Variants in WDR25 observed in about 807,000 individuals in gnomAD.
WDR25 encodes WD repeat-containing protein 25.
A neutral mutation model predicts 47.7 loss-of-function variants in WDR25; 35 were observed. The ratio of observed to expected loss-of-function variants is 0.73; its 90% confidence interval spans 0.56 to 0.97. The LOEUF is 0.97. WDR25 is among the 50% of genes least tolerant of loss of function. WDR25 has a pLI of 0.00. For missense variants in WDR25, 634 were observed against 704.7 expected (o/e 0.90, Z 1.14); for synonymous variants, 248 against 278.9 (o/e 0.89, Z 1.10).
chr14:100,490,432 C>G (rs1387465051), intron 4 of WDR25, among the ~76,000 whole-genome samples: 9 of 152,246 alleles, frequency 5.9e-5, no homozygotes, highest in Non-Finnish European at 1.5e-5. Context: ...ATCTCCTTCC[C>G]CTCCTGTGGG....
rs2140229921 is a variant in WDR25, at chr14:100,430,329, A to G, written c.823-37692A>G. Among the ~76,000 whole-genome samples the G allele has an allele frequency of 6.6e-6, 1 of 152,218 alleles. No individual in the cohort carries two copies. The highest frequency in any genetic ancestry group is 1.9e-4 in the East Asian group (1 of 5,180). The stretch of plus-strand genomic sequence containing the variant: ...CCTGATCTCCTCAGCCCTTTGGGGA[A>G]ATGGAGGAATTGTGACATTTGCCCT... On this transcript the variant is annotated intron_variant, in intron 2 of 6. Coordinates refer to ENST00000402312, the MANE Select transcript of WDR25 (RefSeq NM_001161476.3). This position sits in a 1 kb window ranked among gnomAD's most constrained non-coding sequence, Gnocchi z 4.7.
At chr14:100,405,854 A>T (rs775085682) in intron 2 of WDR25, among the ~76,000 whole-genome samples, 61 of 152,220 alleles carry the variant, frequency 4.0e-4, no homozygotes, top group African/African-American at 1.4e-3. Context: ...ACCCACCTGG[A>T]TGTTTTTCTC....
At chr14:100,446,640 C>T (rs1345011690) in intron 2 of WDR25, among the ~76,000 whole-genome samples, 3 of 151,786 alleles carry the variant, frequency 2.0e-5, no homozygotes, top group African/African-American at 7.3e-5. Context: ...TCAAAAACAG[C>T]AGCTTGAAAT....
rs1192226552 is a variant in WDR25 at position 100,381,611 on chromosome 14, T to A, written c.687T>A (p.Tyr229Ter). 1 of 1,608,638 alleles carries A rather than the reference T, an allele frequency of 6.2e-7. No homozygotes were observed. The highest frequency in any genetic ancestry group is 1.3e-5 in the African/African-American group (1 of 74,782). ...TTCAGCCATATTTGAATAGCCATTA[T>A]AAAGAAACCACAGTTCCCCGGAAAG... is the stretch of plus-strand genomic sequence containing the variant. ...EFIQPYLNSH[Y>*]KETTVPRKVL... Residue 229 changes from tyrosine to a stop codon, truncating the protein, a stop_gained, in exon 2 of 7, where the codon TAT (tyrosine) becomes TAA (stop). Coordinates refer to ENST00000402312, the MANE Select transcript of WDR25 (RefSeq NM_001161476.3). LOFTEE classifies it high-confidence loss of function.
At chr14:100,464,766 ATCTC>A in intron 2 of WDR25, among the ~76,000 whole-genome samples, 1 of 87,954 alleles carries the variant, frequency 1.1e-5, no homozygotes, top group Middle Eastern at 9.8e-3. Context: ...ATCTCATCTC[ATCTC>A]ATCTCATCTC....
intron 2 of WDR25, among the ~76,000 whole-genome samples, chr14:100,403,359 T>G (rs1221649312): frequency 6.6e-6 from 1 of 152,144 alleles, no homozygotes; most frequent in African/African-American, 2.4e-5. Flanking sequence ...AAAGCACATA[T>G]GGCCAAATGT....
Position 100,404,765 on chromosome 14 carries a change from A to G in WDR25, c.822+23019A>G, listed in dbSNP as rs547930245. 6.6e-6 allele frequency among the ~76,000 whole-genome samples: 1 copy of G among 151,084 alleles called. No individual in the cohort carries two copies. The highest frequency in any genetic ancestry group is 2.1e-4 in the South Asian group (1 of 4,760). ...CCTGACTCTGAAATGCCAAGTATAC[A>G]CCCCTCCCTCCTCCTGCCTGCATTC... is the stretch of plus-strand genomic sequence containing the variant. On this transcript the variant is annotated intron_variant, in intron 2 of 6. Transcript: ENST00000402312. This position sits in a 1 kb window ranked among gnomAD's most constrained non-coding sequence, Gnocchi z 4.6.
In WDR25 at chr14:100,422,627, C is replaced by T. The variant is rs539846090; in HGVS notation, c.822+40881C>T. On this transcript the variant is annotated intron_variant, in intron 2 of 6. Transcript: ENST00000402312. ...GGGCCTTCATGATGGCCCTCTTTGA[C>T]GCGACCACATGTTGCCAGCTTCCCC... 4.7e-4 allele frequency among the ~76,000 whole-genome samples: 71 copies of T among 152,362 alleles called. 2 individuals carry two copies. The South Asian group carries it at 0.012, about 27-fold the overall frequency.
intron 4 of WDR25, among the ~76,000 whole-genome samples, chr14:100,486,741 G>A (rs1566933665): frequency 6.6e-6 from 1 of 152,210 alleles, no homozygotes; most frequent in South Asian, 2.1e-4. Flanking sequence ...GAAGTGAGCA[G>A]CTTGGCTTTT....
chr14:100,493,056 C>T (rs906619692), intron 4 of WDR25, among the ~76,000 whole-genome samples: 1 of 152,204 alleles, frequency 6.6e-6, no homozygotes, highest in African/African-American at 2.4e-5. Flanking sequence ...AGCGATTCTC[C>T]TGCGTCAGCC....
At chr14:100,520,078 G>T (rs1297170057) in intron 4 of WDR25, among the ~76,000 whole-genome samples, 1 of 108,932 alleles carries the variant, frequency 9.2e-6, no homozygotes, top group Non-Finnish European at 1.6e-5. Flanking sequence ...GTGTGTGTGT[G>T]CATATATATA....
intron 2 of WDR25, among the ~76,000 whole-genome samples, chr14:100,443,387 A>G (rs944302544): frequency 6.7e-6 from 1 of 148,664 alleles, no homozygotes; most frequent in Non-Finnish European, 1.5e-5. Flanking sequence ...CGCCCCATCT[A>G]CTGGAAAAGC....
rs1280644874 is a variant in WDR25 at position 100,506,469 on chromosome 14, GT to G, written c.1102-19399del. Among the ~76,000 whole-genome samples the G allele has an allele frequency of 1.2e-4, 18 of 152,174 alleles. No individual in the cohort carries two copies. Among genetic ancestry groups the G allele is most frequent in the African/African-American group, 4.3e-4 (18 of 41,444 alleles). ...GGGATAAATGGTAGTACTGTTTTAT[GT>G]TCTTTGAGAAACCTCCAAACTGCTT... On this transcript the variant is annotated intron_variant, in intron 4 of 6. Transcript: ENST00000402312. This position sits in a 1 kb window ranked among gnomAD's most constrained non-coding sequence, Gnocchi z 4.8.
chr14:100,520,333 C>A (rs1382743063), intron 4 of WDR25, among the ~76,000 whole-genome samples: 1 of 151,920 alleles, frequency 6.6e-6, no homozygotes, highest in Admixed American at 6.6e-5. Context: ...TTTTAAAAAT[C>A]TCTTTTATGC....
intron 4 of WDR25, among the ~76,000 whole-genome samples, chr14:100,497,781 C>T (rs1163387098): frequency 1.3e-5 from 2 of 152,186 alleles, no homozygotes; most frequent in African/African-American, 2.4e-5. Flanking sequence ...GATGTCTCCT[C>T]TCCAGGAAAT....
chr14:100,529,507 C>T lies in WDR25; in HGVS notation c.1413+299C>T, dbSNP rs2030371283. 5.1e-6 allele frequency: 3 copies of T among 590,926 alleles called. No individual in the cohort carries two copies. The highest frequency in any genetic ancestry group is 4.1e-4 in the Middle Eastern group (1 of 2,416). The allele number at this position is 590,926 out of a possible 1,614,324, so 36.6% of individuals were successfully genotyped here. On this transcript the variant is annotated intron_variant, in intron 6 of 6. Transcript: ENST00000402312. The surrounding 1 kb of genome is among the most constrained non-coding windows in gnomAD (Gnocchi z 5.1). ...CATGGGTGTCATTTCTGCATCCTTC[C>T]CTTTCCTCACTGAGGCCAAGCCTTG...
At chr14:100,489,527 A>C (rs901109772) in intron 4 of WDR25, among the ~76,000 whole-genome samples, 1 of 152,222 alleles carries the variant, frequency 6.6e-6, no homozygotes, top group Admixed American at 6.5e-5. Flanking sequence ...TTATATAGCA[A>C]ATTTGGTGAA....
At chr14:100,390,569 T>C (rs747981621) in intron 2 of WDR25, among the ~76,000 whole-genome samples, 4 of 152,220 alleles carry the variant, frequency 2.6e-5, no homozygotes, top group Admixed American at 2.0e-4. Context: ...GGTCAGCTTC[T>C]CAGGGAGGTG....
At position 100,381,171 on chromosome 14, in the gene WDR25, C is replaced by G; in HGVS notation, c.247C>G (p.Leu83Val). 6.2e-7 allele frequency: 1 copy of G among 1,614,218 alleles called. No individual in the cohort carries two copies. The highest frequency in any genetic ancestry group is 1.1e-5 in the South Asian group (1 of 91,084). Residue 83 changes from leucine to valine, a missense_variant, in exon 2 of 7, where the codon CTT becomes GTT. Transcript: ENST00000402312. ...PGGYRLPLAQ[L>V]GRSDWGSCPS... ...GGGCTATCGCCTTCCATTGGCTCAGCTTGGGAGAAGCGATTGGGGATCTTG... is the reference window on the plus strand; with the variant it reads ...GGGCTATCGCCTTCCATTGGCTCAGGTTGGGAGAAGCGATTGGGGATCTTG...
Sources: gnomAD v4.1 joint callset for allele counts (sites outside exome capture counted in the v4.1 genomes callset) on GRCh38, gnomAD v4.1.1 for gene constraint, Gnocchi (gnomAD v3.1) non-coding constraint, MANE v1.5 for transcripts, NCBI Gene and HGNC (gene_info 2026-07-23, HGNC 2026-07-21) for gene names.